BNC2: variants seen among roughly 807,000 people sequenced by gnomAD.
BNC2 encodes the protein zinc finger protein basonuclin-2.
Under a neutral mutation model 76.3 loss-of-function variants are expected in BNC2, and 20 were observed. The observed-to-expected ratio is 0.26, with a 90% CI of 0.18 to 0.38. The LOEUF is 0.38. Among genes scored for constraint, BNC2 ranks in the 10% least tolerant of loss-of-function variants. The pLI is 1.00. For synonymous variants in BNC2, 582 were observed against 514.8 expected (o/e 1.13, Z -1.77); for missense variants, 1,382 against 1,399.8 (o/e 0.99, Z 0.20).
intron 3 of BNC2, among the ~76,000 whole-genome samples, chr9:16,591,547 A>G (rs1819928925): frequency 6.6e-6 from 1 of 152,222 alleles, no homozygotes; most frequent in South Asian, 2.1e-4. Flanking sequence ...CATTTATACA[A>G]AGAAATACAT....
At chr9:16,821,345 G>T (rs1818324869) in intron 1 of BNC2, among the ~76,000 whole-genome samples, 1 of 152,238 alleles carries the variant, frequency 6.6e-6, no homozygotes, top group East Asian at 1.9e-4. Context: ...TTATACTCTA[G>T]ATCCTGTTGT....
At chr9:16,695,613 G>A (rs1823315732) in intron 3 of BNC2, among the ~76,000 whole-genome samples, 1 of 148,666 alleles carries the variant, frequency 6.7e-6, no homozygotes, top group African/African-American at 2.5e-5. Flanking sequence ...GGCCTCAAGT[G>A]ATCCTCCTGC....
intron 4 of BNC2, among the ~76,000 whole-genome samples, chr9:16,560,501 T>C (rs1308848617): frequency 6.6e-6 from 1 of 151,822 alleles, no homozygotes; most frequent in Non-Finnish European, 1.5e-5. Context: ...CACTTGAAGA[T>C]AGGAATTGGA....
intron 3 of BNC2, among the ~76,000 whole-genome samples, chr9:16,633,250 T>C (rs919677677): frequency 1.3e-5 from 2 of 151,936 alleles, no homozygotes; most frequent in Non-Finnish European, 2.9e-5. Context: ...ACGATGGCCC[T>C]GTACCAAAGA....
chr9:16,633,919 T>C (rs899822221), intron 3 of BNC2, among the ~76,000 whole-genome samples: 18 of 152,248 alleles, frequency 1.2e-4, no homozygotes, highest in African/African-American at 4.3e-4. Context: ...TAATTATTTT[T>C]GATAACATGC....
At chr9:16,781,200 C>T (rs1826144168) in intron 1 of BNC2, among the ~76,000 whole-genome samples, 2 of 151,972 alleles carry the variant, frequency 1.3e-5, no homozygotes, top group South Asian at 2.1e-4. Flanking sequence ...TTTACTTGAA[C>T]AGATACAAAA....
At chr9:16,427,050 C>G (rs1409143388) in intron 6 of BNC2, among the ~76,000 whole-genome samples, 1 of 152,202 alleles carries the variant, frequency 6.6e-6, no homozygotes, top group Non-Finnish European at 1.5e-5. Context: ...ACTGTTCCAG[C>G]CTGGTGCTTA....
chr9:16,804,226 A>C (rs1817851290), intron 1 of BNC2, among the ~76,000 whole-genome samples: 1 of 152,256 alleles, frequency 6.6e-6, no homozygotes, highest in Non-Finnish European at 1.5e-5. Flanking sequence ...TTATTCTAAA[A>C]GTAATGCACA....
intron 3 of BNC2, among the ~76,000 whole-genome samples, chr9:16,589,853 A>C (rs1267029692): frequency 6.6e-6 from 1 of 152,156 alleles, no homozygotes; most frequent in Admixed American, 6.6e-5. Context: ...ATTTCTGGAG[A>C]GTATAGCAAG....
chr9:16,506,882 G>C (rs1195832909), intron 5 of BNC2, among the ~76,000 whole-genome samples: 2 of 151,972 alleles, frequency 1.3e-5, no homozygotes, highest in African/African-American at 4.8e-5. Context: ...CTCCCGAGTA[G>C]CTAGGATTAC....
intron 4 of BNC2, among the ~76,000 whole-genome samples, chr9:16,557,137 G>T (rs1410880728): frequency 6.6e-6 from 1 of 152,120 alleles, no homozygotes; most frequent in Non-Finnish European, 1.5e-5. Context: ...GGGAAAAGAT[G>T]TCACCTACTT....
At chr9:16,604,745 G>A (rs957199466) in intron 3 of BNC2, among the ~76,000 whole-genome samples, 1 of 152,184 alleles carries the variant, frequency 6.6e-6, no homozygotes. Flanking sequence ...TGAGGTTGCA[G>A]TGAGCCGAGA....
At chr9:16,679,993 G>A (rs530736177) in intron 3 of BNC2, among the ~76,000 whole-genome samples, 6 of 152,248 alleles carry the variant, frequency 3.9e-5, no homozygotes, top group South Asian at 2.1e-4. Flanking sequence ...ATTTTGTTTC[G>A]CATAGGGGGA....
chr9:16,661,138 C>A (rs552080025), intron 3 of BNC2, among the ~76,000 whole-genome samples: 1 of 152,180 alleles, frequency 6.6e-6, no homozygotes, highest in South Asian at 2.1e-4. Flanking sequence ...ATTTTACAAC[C>A]TAGGGGTTCC....
At chr9:16,653,786 G>A (rs1821854775) in intron 3 of BNC2, among the ~76,000 whole-genome samples, 1 of 152,186 alleles carries the variant, frequency 6.6e-6, no homozygotes, top group Non-Finnish European at 1.5e-5. Context: ...CAATACTTTT[G>A]GACTACGGCT....
At chr9:16,549,201 G>T (rs985028852) in intron 5 of BNC2, among the ~76,000 whole-genome samples, 1 of 152,170 alleles carries the variant, frequency 6.6e-6, no homozygotes, top group Admixed American at 6.5e-5. Context: ...AGGAGTAGCT[G>T]TGTACACATA....
chr9:16,487,632 C>G (rs1435671240), intron 5 of BNC2, among the ~76,000 whole-genome samples: 1 of 152,112 alleles, frequency 6.6e-6, no homozygotes, highest in Non-Finnish European at 1.5e-5. Context: ...GAACCCCAGC[C>G]AAGTCCTATG....
chr9:16,632,450 G>A (rs556895605), intron 3 of BNC2, among the ~76,000 whole-genome samples: 4 of 152,060 alleles, frequency 2.6e-5, no homozygotes, highest in African/African-American at 9.7e-5. Context: ...ATCTGTGTAT[G>A]TAAAAGCACC....
chr9:16,428,636 G>A lies in BNC2; in HGVS notation c.2639+6919C>T, dbSNP rs572191710. On this transcript the variant is annotated intron_variant, in intron 6 of 6. Coordinates refer to ENST00000380672, the MANE Select transcript of BNC2 (RefSeq NM_017637.6). ...TATGCAATAGCAATACCGAGGCATC[G>A]CTTACATATATTCTGTTAGAAACAC... Among the ~76,000 whole-genome samples, 23 of 152,234 alleles carry A rather than the reference G, an allele frequency of 1.5e-4. No homozygotes were observed. The South Asian group carries it at 2.7e-3, about 18-fold the overall frequency.
Sources: gnomAD v4.1 joint callset for allele counts (sites outside exome capture counted in the v4.1 genomes callset) on GRCh38, gnomAD v4.1.1 for gene constraint, MANE v1.5 for transcripts, NCBI Gene and HGNC (gene_info 2026-07-23, HGNC 2026-07-21) for gene names.